The following UQCC5 variants were observed in gnomAD, a reference collection of about 807,000 sequenced individuals.
UQCC5 encodes ubiquinol-cytochrome c reductase complex assembly factor 5.
the UQCC5 span, among the ~76,000 whole-genome samples, chr3:52,537,761 C>T: frequency 9.6e-5 from 13 of 135,514 alleles, no homozygotes; most frequent in Non-Finnish European, 1.5e-4. Context: ...ATAGGACTCT[C>T]GGGTGGGCGC....
chr3:52,538,741 G>A, the UQCC5 span, among the ~76,000 whole-genome samples: 5 of 152,184 alleles, frequency 3.3e-5, no homozygotes, highest in Admixed American at 6.5e-5. Flanking sequence ...GATTACAGGC[G>A]TGAGCCACTG....
chr3:52,540,454 GAC>G, the UQCC5 span: 21 of 1,531,774 alleles, frequency 1.4e-5, no homozygotes, highest in Non-Finnish European at 1.8e-5. Context: ...GCCTCAGAAA[GAC>G]AGTATCAGAG....
chr3:52,540,504 A>G, the UQCC5 span: 3 of 1,498,530 alleles, frequency 2.0e-6, no homozygotes, highest in African/African-American at 4.3e-5. Flanking sequence ...TTCAGCAGTC[A>G]ATAAAGTCAA....
the UQCC5 span, among the ~76,000 whole-genome samples, chr3:52,537,186 T>G: frequency 1.3e-5 from 2 of 152,312 alleles, no homozygotes; most frequent in East Asian, 3.9e-4. Flanking sequence ...TGACATCGTT[T>G]GGGCTTAAGG....
chr3:52,536,996 G>T, the UQCC5 span: 1 of 1,493,984 alleles, frequency 6.7e-7, no homozygotes, highest in Non-Finnish European at 9.1e-7. Flanking sequence ...TCAGATTGCA[G>T]ACCGCGCATT....
At chr3:52,537,463 A>C in the UQCC5 span, among the ~76,000 whole-genome samples, 2 of 152,188 alleles carry the variant, frequency 1.3e-5, no homozygotes, top group Non-Finnish European at 2.9e-5. Flanking sequence ...AGTTCCTTTC[A>C]GGAGGACTTC....
chr3:52,537,276 T>G, the UQCC5 span, among the ~76,000 whole-genome samples: 1 of 152,198 alleles, frequency 6.6e-6, no homozygotes, highest in Non-Finnish European at 1.5e-5. Context: ...CCATTTCTCT[T>G]TGGATTCTTC....
At chr3:52,541,519 C>G in the UQCC5 span, 1 of 152,154 alleles carries the variant, frequency 6.6e-6, no homozygotes, top group Non-Finnish European at 1.5e-5. Context: ...AGTAAAGAAC[C>G]ATTAACTAAC....
At chr3:52,537,349 C>T in the UQCC5 span, among the ~76,000 whole-genome samples, 1 of 152,212 alleles carries the variant, frequency 6.6e-6, no homozygotes. Context: ...CTTTACAGGA[C>T]AGTCATTGGC....
At chr3:52,540,189 A>G in the UQCC5 span, among the ~76,000 whole-genome samples, 1 of 152,268 alleles carries the variant, frequency 6.6e-6, no homozygotes, top group Non-Finnish European at 1.5e-5. Context: ...AGATGTGCTA[A>G]GACATGATTC....
the UQCC5 span, among the ~76,000 whole-genome samples, chr3:52,539,414 A>C: frequency 6.6e-6 from 1 of 152,168 alleles, no homozygotes; most frequent in African/African-American, 2.4e-5. Flanking sequence ...GTATGAACAG[A>C]AATCCTTCAG....
chr3:52,536,863 G>T, the UQCC5 span: 1 of 1,551,622 alleles, frequency 6.4e-7, no homozygotes, highest in Non-Finnish European at 8.7e-7. Flanking sequence ...GAGGAACGAT[G>T]GAGTGGATCA....
the UQCC5 span, among the ~76,000 whole-genome samples, chr3:52,537,518 T>A: frequency 6.6e-6 from 1 of 152,204 alleles, no homozygotes; most frequent in Non-Finnish European, 1.5e-5. Flanking sequence ...CCTGAAACGC[T>A]ATCACTTGTG....
At chr3:52,538,882 C>T in the UQCC5 span, among the ~76,000 whole-genome samples, 3 of 152,116 alleles carry the variant, frequency 2.0e-5, 1 homozygote, top group Non-Finnish European at 4.4e-5. Context: ...GGGGAGGTAA[C>T]CCCCCTTCCT....
the UQCC5 span, chr3:52,537,023 G>A: frequency 7.2e-7 from 1 of 1,380,844 alleles, no homozygotes; most frequent in Non-Finnish European, 9.9e-7. Context: ...AGAGCGCTGG[G>A]CGAGTGCAGT....
the UQCC5 span, chr3:52,536,715 G>T: frequency 2.6e-6 from 4 of 1,550,720 alleles, no homozygotes; most frequent in Non-Finnish European, 3.5e-6. Context: ...GCGATCCAGT[G>T]CTTAGTTCCG....
the UQCC5 span, among the ~76,000 whole-genome samples, chr3:52,537,149 C>T: frequency 6.6e-6 from 1 of 152,220 alleles, no homozygotes; most frequent in Non-Finnish European, 1.5e-5. Flanking sequence ...TTCCAGCCCT[C>T]TCATGCCTGC....
the UQCC5 span, chr3:52,536,643 C>G: frequency 6.7e-7 from 1 of 1,490,558 alleles, no homozygotes; most frequent in Non-Finnish European, 9.0e-7. Flanking sequence ...GGACGGCGCT[C>G]GCTAGTCTCC....
the UQCC5 span, among the ~76,000 whole-genome samples, chr3:52,537,975 G>C: frequency 6.6e-6 from 1 of 152,252 alleles, no homozygotes; most frequent in Non-Finnish European, 1.5e-5. Flanking sequence ...GGGATGGCTA[G>C]AAGGGTGCCT....
Sources: gnomAD v4.1 joint callset for allele counts (sites outside exome capture counted in the v4.1 genomes callset) on GRCh38, gnomAD v4.1.1 for gene constraint, MANE v1.5 for transcripts, NCBI Gene and HGNC (gene_info 2026-07-23, HGNC 2026-07-21) for gene names.